The following HCN1 variants were observed in gnomAD, a reference collection of about 807,000 sequenced individuals.
The protein encoded by HCN1 is potassium/sodium hyperpolarization-activated cyclic nucleotide-gated channel 1.
In HCN1, 13 loss-of-function variants were observed where a neutral mutation model predicts 78.9. The ratio of observed to expected loss-of-function variants is 0.16; its 90% CI spans 0.11 to 0.26. The LOEUF (loss-of-function observed/expected upper bound fraction) is 0.26, where lower values mean the gene tolerates loss of function less well. Among genes scored for constraint, HCN1 ranks in the 10% least tolerant of loss-of-function variants. The pLI is 1.00. For missense variants in HCN1, 810 were observed against 1,154.3 expected (o/e 0.70, Z 4.32); for synonymous variants, 552 against 455.5 (o/e 1.21, Z -2.70).
chr5:45,446,394 AC>A (rs1740797626), intron 3 of HCN1, among the ~76,000 whole-genome samples: 1 of 152,180 alleles, frequency 6.6e-6, no homozygotes, highest in African/African-American at 2.4e-5. Context: ...ATGTGAAAAG[AC>A]CAAATCTACA....
At chr5:45,374,120 TATATA>T (rs1489913016) in intron 4 of HCN1, among the ~76,000 whole-genome samples, 7 of 113,444 alleles carry the variant, frequency 6.2e-5, no homozygotes, top group Middle Eastern at 7.1e-3. Context: ...ATACATAATA[TATATA>T]ATATATATTA....
chr5:45,320,034 C>T lies in HCN1; in HGVS notation c.1378-16195G>A, dbSNP rs547182155. Among the ~76,000 whole-genome samples, 10 of 151,784 alleles carry T rather than the reference C, an allele frequency of 6.6e-5. No homozygotes were observed. The East Asian group carries it at 1.9e-3, about 30-fold the overall frequency. On this transcript the variant is annotated intron_variant, in intron 5 of 7. Coordinates refer to ENST00000303230, the MANE Select transcript of HCN1 (RefSeq NM_021072.4). Reference sequence around the variant, plus strand: ...GCATGGTAGCTATACATATAATTTCCACCATTACACAAATGAATCATAGAG... The same window carrying T: ...GCATGGTAGCTATACATATAATTTCTACCATTACACAAATGAATCATAGAG...
intron 2 of HCN1, among the ~76,000 whole-genome samples, chr5:45,529,495 T>A (rs780541003): frequency 3.9e-5 from 6 of 152,018 alleles, no homozygotes; most frequent in Non-Finnish European, 5.9e-5. Flanking sequence ...CTAAAATATG[T>A]CAAAGTAATA....
rs1282707827 is a variant in HCN1, at chr5:45,655,246, T to A, written c.426-9638A>T. Among the ~76,000 whole-genome samples the A allele has an allele frequency of 4.6e-5, 7 of 152,232 alleles. No homozygotes were observed. The East Asian group carries it at 1.4e-3, about 29-fold the overall frequency. ...AAAGTATTAAATGTTAAATAAAGTATTAACTAATAAATAAAATATTTATTA... is the reference window on the plus strand; with the variant it reads ...AAAGTATTAAATGTTAAATAAAGTAATAACTAATAAATAAAATATTTATTA... On this transcript the variant is annotated intron_variant, in intron 1 of 7. Coordinates refer to ENST00000303230, the MANE Select transcript of HCN1 (RefSeq NM_021072.4).
At position 45,257,932 on chromosome 5, in the gene HCN1, T is replaced by C. The variant is rs1414011352; in HGVS notation, c.*3989A>G. ...AGCATTCCATTCTATAAGGCCCATGTTTCTTTCCCATGGTACAGTATGAGT... is the reference window on the plus strand; with the variant it reads ...AGCATTCCATTCTATAAGGCCCATGCTTCTTTCCCATGGTACAGTATGAGT... On this transcript the variant is annotated 3_prime_UTR_variant, in exon 8 of 8. Transcript: ENST00000303230. The C allele has an allele frequency of 7.0e-6, 1 of 141,930 alleles. No individual in the cohort carries two copies. Among genetic ancestry groups the C allele is most frequent in the Non-Finnish European group, 1.5e-5 (1 of 67,174 alleles). The allele number at this position is 141,930 out of a possible 1,614,324, so 8.8% of individuals were successfully genotyped here.
chr5:45,402,629 TA>T (rs1304887131), intron 3 of HCN1, among the ~76,000 whole-genome samples: 1 of 152,066 alleles, frequency 6.6e-6, no homozygotes. Flanking sequence ...AGAACTTAAA[TA>T]ATATAAAAGT....
At chr5:45,268,343 G>A (rs1744899593) in intron 6 of HCN1, among the ~76,000 whole-genome samples, 1 of 152,072 alleles carries the variant, frequency 6.6e-6, no homozygotes, top group Non-Finnish European at 1.5e-5. Context: ...AACTACTGTA[G>A]GCTTTGATTA....
intron 1 of HCN1, among the ~76,000 whole-genome samples, chr5:45,676,942 T>C (rs1235071694): frequency 2.0e-5 from 3 of 151,818 alleles, no homozygotes; most frequent in African/African-American, 7.2e-5. Context: ...TAGCAATCCA[T>C]ATATCATATA....
intron 2 of HCN1, among the ~76,000 whole-genome samples, chr5:45,502,877 C>T (rs1042453196): frequency 4.6e-5 from 7 of 152,014 alleles, no homozygotes; most frequent in South Asian, 4.1e-4. Flanking sequence ...AGGAAAACTT[C>T]GCATTTTTAA....
chr5:45,426,870 G>GT (rs1740361706), intron 3 of HCN1, among the ~76,000 whole-genome samples: 1 of 152,036 alleles, frequency 6.6e-6, no homozygotes, highest in Non-Finnish European at 1.5e-5. Context: ...CTATAGTGTA[G>GT]ACAAAAGTAA....
intron 2 of HCN1, among the ~76,000 whole-genome samples, chr5:45,509,443 A>G (rs1742366665): frequency 6.6e-6 from 1 of 152,198 alleles, no homozygotes; most frequent in African/African-American, 2.4e-5. Context: ...GACTTCAGTC[A>G]CCACCACATT....
chr5:45,562,789 C>T (rs1223672106), intron 2 of HCN1, among the ~76,000 whole-genome samples: 1 of 152,104 alleles, frequency 6.6e-6, no homozygotes, highest in East Asian at 1.9e-4. Flanking sequence ...GTACGCAAAA[C>T]CCTCTTGAAT....
chr5:45,292,822 C>T (rs1327189347), intron 6 of HCN1, among the ~76,000 whole-genome samples: 1 of 152,058 alleles, frequency 6.6e-6, no homozygotes, highest in Non-Finnish European at 1.5e-5. Flanking sequence ...TTCTTCTACC[C>T]ATCTACTCAT....
chr5:45,332,444 T>A (rs1023862748), intron 5 of HCN1, among the ~76,000 whole-genome samples: 4 of 151,342 alleles, frequency 2.6e-5, no homozygotes, highest in African/African-American at 9.7e-5. Flanking sequence ...CTTTCTATTT[T>A]TTTTTTTCGT....
At chr5:45,560,931 T>C (rs1743586633) in intron 2 of HCN1, among the ~76,000 whole-genome samples, 1 of 152,120 alleles carries the variant, frequency 6.6e-6, no homozygotes, top group Non-Finnish European at 1.5e-5. Context: ...TAAAACCTCT[T>C]TACAAATGCT....
chr5:45,320,449 T>A (rs185662746), intron 5 of HCN1, among the ~76,000 whole-genome samples: 3 of 151,958 alleles, frequency 2.0e-5, no homozygotes, highest in Admixed American at 2.0e-4. Flanking sequence ...CTTGCTGGGT[T>A]TTAGGTATTG....
At chr5:45,523,348 A>C (rs1029511510) in intron 2 of HCN1, among the ~76,000 whole-genome samples, 1 of 152,034 alleles carries the variant, frequency 6.6e-6, no homozygotes, top group East Asian at 1.9e-4. Flanking sequence ...TAGCAGCATG[A>C]TTTATAGTCC....
chr5:45,375,778 T>C (rs1445830990), intron 4 of HCN1, among the ~76,000 whole-genome samples: 3 of 104,024 alleles, frequency 2.9e-5, no homozygotes, highest in Admixed American at 2.4e-4. Flanking sequence ...ATATCTTATA[T>C]ATAATATAAT....
At chr5:45,546,712 T>C (rs1432139807) in intron 2 of HCN1, among the ~76,000 whole-genome samples, 1 of 151,982 alleles carries the variant, frequency 6.6e-6, no homozygotes, top group South Asian at 2.1e-4. Flanking sequence ...AACGCACCTA[T>C]CCTATATGGC....
Sources: allele counts gnomAD v4.1 joint callset (sites outside exome capture counted in the v4.1 genomes callset), GRCh38; gene constraint gnomAD v4.1.1; transcripts MANE v1.5; gene names NCBI Gene and HGNC (gene_info 2026-07-23, HGNC 2026-07-21).